FIG4: variants seen among roughly 807,000 people sequenced by gnomAD.
FIG4 encodes the protein polyphosphoinositide phosphatase.
In FIG4, 112 loss-of-function variants were observed where a neutral mutation model predicts 118.6. The ratio of observed to expected loss-of-function variants is 0.94; its 90% confidence interval spans 0.81 to 1.11. FIG4 has a LOEUF of 1.11. FIG4 is among the 50% of genes least tolerant of loss of function. The probability of loss-of-function intolerance (pLI) is 0.00; values close to 1 mark genes in which losing one functional copy is unlikely to be tolerated. For missense variants in FIG4, 969 were observed against 1,111.7 expected (o/e 0.87, Z 1.83); for synonymous variants, 369 against 381.2 (o/e 0.97, Z 0.37).
intron 22 of FIG4, among the ~76,000 whole-genome samples, chr6:109,808,404 A>T (rs1778631687): frequency 6.7e-6 from 1 of 149,294 alleles, no homozygotes; most frequent in Non-Finnish European, 1.5e-5. Flanking sequence ...TGCCAGTTTT[A>T]TTAAGTCATG....
intron 16 of FIG4, among the ~76,000 whole-genome samples, chr6:109,780,427 G>T (rs901404804): frequency 2.6e-5 from 4 of 152,064 alleles, no homozygotes; most frequent in African/African-American, 9.7e-5. Context: ...TGCCCAGGCT[G>T]GCCTCCAACT....
intron 22 of FIG4, among the ~76,000 whole-genome samples, chr6:109,807,051 G>A (rs1562694764): frequency 6.6e-6 from 1 of 152,122 alleles, no homozygotes; most frequent in East Asian, 1.9e-4. Context: ...TGTGAATAAT[G>A]TGTGCACACA....
chr6:109,727,935 G>A (rs1254010499), intron 4 of FIG4, among the ~76,000 whole-genome samples: 3 of 152,146 alleles, frequency 2.0e-5, no homozygotes, highest in Non-Finnish European at 4.4e-5. Context: ...TTAAACAGAC[G>A]TGACAACTAA....
intron 22 of FIG4, among the ~76,000 whole-genome samples, chr6:109,805,035 A>G (rs926124427): frequency 6.6e-6 from 1 of 152,214 alleles, no homozygotes; most frequent in African/African-American, 2.4e-5. Context: ...AGCAAATGAC[A>G]AGGCAGATGA....
intron 10 of FIG4, among the ~76,000 whole-genome samples, chr6:109,757,448 T>G (rs1776951763): frequency 6.6e-6 from 1 of 152,130 alleles, no homozygotes; most frequent in African/African-American, 2.4e-5. Flanking sequence ...AACTAGGTAT[T>G]GATGGAACAT....
chr6:109,792,560 CTTTT>C lies in FIG4; in HGVS notation c.2377-13_2377-10del. On this transcript the variant is annotated intron_variant, in intron 20 of 22. Transcript: ENST00000230124. ...TGTCTAAAAATTCTTCCTGGTTCTT[CTTTT>C]TTTTTTTTAAACCCCAGAATGTGGT... is the stretch of plus-strand genomic sequence containing the variant. The C allele has an allele frequency of 4.8e-6, 6 of 1,254,932 alleles. No individual in the cohort carries two copies. The highest frequency in any genetic ancestry group is 1.3e-5 in the South Asian group (1 of 75,478). The allele number at this position is 1,254,932 out of a possible 1,614,324, so 77.7% of individuals were successfully genotyped here.
intron 22 of FIG4, among the ~76,000 whole-genome samples, chr6:109,798,176 G>A (rs1336037564): frequency 1.3e-5 from 2 of 152,144 alleles, no homozygotes; most frequent in Non-Finnish European, 2.9e-5. Flanking sequence ...TACAGCAAAA[G>A]CCTTTTAGAG....
chr6:109,753,746 T>C (rs982060180), intron 10 of FIG4, among the ~76,000 whole-genome samples: 3 of 152,150 alleles, frequency 2.0e-5, no homozygotes, highest in Non-Finnish European at 2.9e-5. Flanking sequence ...TCTCTGTCTG[T>C]TATTGGTGTA....
At chr6:109,741,308 C>T in intron 7 of FIG4, 136 bp from the exon 8 acceptor site, 1 of 757,562 alleles carries the variant, frequency 1.3e-6, no homozygotes, top group Non-Finnish European at 2.4e-6. Flanking sequence ...AAGTGCTGTT[C>T]CATTCTTGGG....
At chr6:109,768,976 A>C (rs1777365568) in intron 15 of FIG4, among the ~76,000 whole-genome samples, 1 of 152,200 alleles carries the variant, frequency 6.6e-6, no homozygotes, top group Non-Finnish European at 1.5e-5. Context: ...TACTTCTGTC[A>C]TGTGCTAATA....
rs967909475 is a variant in FIG4 at position 109,765,291 on chromosome 6, C to G, written c.1583+130C>G. The G allele has an allele frequency of 4.0e-6, 3 of 752,880 alleles. No individual in the cohort carries two copies. In the African/African-American group the frequency reaches 5.3e-5, roughly 13 times the overall value. 46.6% of individuals were successfully genotyped at this position (752,880 alleles called of 1,614,324 possible). A position where few individuals can be genotyped will look rare whatever the true frequency, so the allele number is the denominator to read the frequency against. On this transcript the variant is annotated intron_variant, in intron 14 of 22. Transcript: ENST00000230124. ...AATTATGTTGCTAGAAAACATTATT[C>G]AAACTCGTTCTGTTTTTCTTATATT...
intron 3 of FIG4, among the ~76,000 whole-genome samples, chr6:109,716,847 G>A (rs913852384): frequency 6.6e-6 from 1 of 152,100 alleles, no homozygotes; most frequent in Non-Finnish European, 1.5e-5. Context: ...ATTGATGAAT[G>A]AAAAAGTAAA....
chr6:109,750,341 T>C (rs1776650688), intron 10 of FIG4, among the ~76,000 whole-genome samples: 2 of 152,306 alleles, frequency 1.3e-5, no homozygotes, highest in Admixed American at 1.3e-4. Flanking sequence ...TGGAACCCTT[T>C]GAAATGATAT....
At chr6:109,743,811 G>C (rs780366625) in intron 10 of FIG4, 39 bp downstream of exon 10, 12 of 1,417,162 alleles carry the variant, frequency 8.5e-6, no homozygotes, top group Admixed American at 1.7e-5. Context: ...AGATTCAGAC[G>C]CTCTGGGAAG....
At chr6:109,746,297 C>T (rs1269090773) in intron 10 of FIG4, among the ~76,000 whole-genome samples, 2 of 152,142 alleles carry the variant, frequency 1.3e-5, no homozygotes, top group African/African-American at 2.4e-5. Flanking sequence ...GAAACAGCTC[C>T]TGCCTTGAGC....
At chr6:109,701,782 G>A (rs908857974) in intron 1 of FIG4, 2 of 470,596 alleles carry the variant, frequency 4.2e-6, no homozygotes, top group African/African-American at 4.0e-5. Context: ...ATGGGAGAGA[G>A]CAATATAGGG....
chr6:109,772,787 T>G (rs943783924), intron 15 of FIG4, among the ~76,000 whole-genome samples: 1 of 152,142 alleles, frequency 6.6e-6, no homozygotes, highest in African/African-American at 2.4e-5. Context: ...CATGACAAAT[T>G]ACTACAAACT....
Position 109,791,522 on chromosome 6 carries a change from C to G in FIG4, c.2327C>G (p.Ser776Cys), listed in dbSNP as rs760215765. The stretch of plus-strand genomic sequence containing the variant: ...GAAGAGGGCTCTGTGTCTCAGCGCT[C>G]CACTCCCGTGAAGATGACTGATGCA... Reference protein sequence around the residue: ...REEEGSVSQRSTPVKMTDAGD... With the variant: ...REEEGSVSQRCTPVKMTDAGD... The change falls in exon 20 of 23, where the codon TCC becomes TGC. Residue 776 changes from serine to cysteine, a missense_variant. This residue lies in a region of FIG4 where 330 missense variants were observed against 348.1 expected (regional missense o/e 0.95). Coordinates refer to ENST00000230124, the MANE Select transcript of FIG4 (RefSeq NM_014845.6). The G allele has an allele frequency of 2.3e-5, 37 of 1,613,894 alleles. No homozygotes were observed. The South Asian group carries it at 3.4e-4, about 15-fold the overall frequency.
At chr6:109,756,912 G>C (rs117473542) in intron 10 of FIG4, among the ~76,000 whole-genome samples, 1 of 152,024 alleles carries the variant, frequency 6.6e-6, no homozygotes, top group Admixed American at 6.6e-5. Flanking sequence ...TAATTTGATC[G>C]TCTGAAGCTT....
Sources: gnomAD v4.1 joint callset for allele counts (sites outside exome capture counted in the v4.1 genomes callset) on GRCh38, gnomAD v4.1.1 for gene constraint, gnomAD v4.1.1 regional missense constraint, MANE v1.5 for transcripts, NCBI Gene and HGNC (gene_info 2026-07-23, HGNC 2026-07-21) for gene names.